Variants in GMFG observed in about 807,000 individuals in gnomAD.
GMFG encodes the protein glia maturation factor gamma.
Under a neutral mutation model 26.1 loss-of-function variants are expected in GMFG, and 21 were observed. The ratio of observed to expected loss-of-function variants is 0.80; its 90% confidence interval spans 0.57 to 1.16. The LOEUF (loss-of-function observed/expected upper bound fraction) is 1.16. Among genes scored for constraint, GMFG ranks in the 50% most tolerant of loss-of-function variants. GMFG has a pLI of 0.00. For synonymous variants in GMFG, 65 were observed against 60.8 expected, an observed-to-expected ratio of 1.07 and a Z score of -0.32; for missense variants, 161 against 178.3, an observed-to-expected ratio of 0.90 and a Z score of 0.55.
chr19:39,334,064 T>C (rs1399410288), intron 3 of GMFG, among the ~76,000 whole-genome samples: 2 of 141,972 alleles, frequency 1.4e-5, no homozygotes, highest in Non-Finnish European at 3.0e-5. Context: ...TCGCCCAGGC[T>C]GGAGTGCAGT....
chr19:39,335,519 C>T lies in GMFG; in HGVS notation c.16G>A (p.Val6Met). 6.2e-7 allele frequency: 1 copy of T among 1,612,988 alleles called. No individual in the cohort carries two copies. The highest frequency in any genetic ancestry group is 8.5e-7 in the Non-Finnish European group (1 of 1,178,936). Residue 6 changes from valine (V) to methionine (M), a missense_variant, in exon 2 of 7, where the codon GTG becomes ATG. Physicochemically the swap from Val to Met is conservative, Grantham distance 21. Coordinates refer to ENST00000597595, the MANE Select transcript of GMFG (RefSeq NM_004877.4). MSDSL[V>M]VCEVDPELTE... The stretch of plus-strand genomic sequence containing the variant: ...AGCTCTGGGTCTACCTCGCACACCA[C>T]CAGGGAGTCAGACTGCCGGAGGGAC...
chr19:39,328,864 C>T (rs541743531), intron 6 of GMFG, 136 bp downstream of exon 6: 13 of 707,316 alleles, frequency 1.8e-5, no homozygotes, highest in South Asian at 9.4e-5. Context: ...GATGACAGAG[C>T]GAGACCCAGT....
At position 39,329,640 on chromosome 19, in the gene GMFG, G is replaced by A. The variant is rs753890668; in HGVS notation, c.201-14C>T. The A allele has an allele frequency of 6.4e-7, 1 of 1,560,958 alleles. No homozygotes were observed. Among genetic ancestry groups the A allele is most frequent in the Non-Finnish European group, 8.8e-7 (1 of 1,131,810 alleles). The stretch of plus-strand genomic sequence containing the variant: ...TAAACCACGAACCTACCGTGAAAGG[G>A]AATTGAAAATCAGGACTCTGGCCTG... On this transcript the variant is annotated splice_polypyrimidine_tract_variant and intron_variant, in intron 4 of 6. Coordinates refer to ENST00000597595, the MANE Select transcript of GMFG (RefSeq NM_004877.4).
intron 3 of GMFG, 109 bp from the exon 4 acceptor site, chr19:39,333,235 G>A (rs2075234557): frequency 1.9e-6 from 1 of 534,352 alleles, no homozygotes; most frequent in Admixed American, 3.1e-5. Context: ...ACAAGGTCAG[G>A]AAATCATTCA....
At chr19:39,332,656 C>CTTTTTT (rs59277772) in intron 4 of GMFG, among the ~76,000 whole-genome samples, 7 of 111,292 alleles carry the variant, frequency 6.3e-5, no homozygotes, top group South Asian at 2.9e-4. Flanking sequence ...CACAGAGATT[C>CTTTTTT]TTTTTTTTTT....
chr19:39,334,523 C>T (rs1205290317), intron 3 of GMFG, among the ~76,000 whole-genome samples: 1 of 152,206 alleles, frequency 6.6e-6, no homozygotes, highest in East Asian at 1.9e-4. Flanking sequence ...CTGCCTCAGC[C>T]TCCCAAAGCG....
At position 39,335,453 on chromosome 19, in the gene GMFG, C is replaced by T. The variant is rs943155501; in HGVS notation, c.82G>A (p.Asp28Asn). ...CACTCACTTATGATGGCTGCATTGT[C>T]TGTCTCTTTTCGGAAGCGGAATTTC... ...LRKFRFRKET[D>N]NAAIIMKVDK... is the part of the protein sequence containing the mutation. The change falls in exon 2 of 7, where the codon GAC becomes AAC. Residue 28 changes from aspartate (D) to asparagine (N), a missense_variant. Transcript: ENST00000597595. 5 of 1,613,220 alleles carry T rather than the reference C, an allele frequency of 3.1e-6. No homozygotes were observed. The African/African-American group carries it at 6.7e-5, about 22-fold the overall frequency.
chr19:39,335,668 G>T (rs1737621634), intron 1 of GMFG, 137 bp from the exon 2 acceptor site: 2 of 703,130 alleles, frequency 2.8e-6, no homozygotes, highest in Non-Finnish European at 2.5e-6. Flanking sequence ...TTGAGAAAAG[G>T]CACCCTTCCC....
chr19:39,329,249 G>T (rs1243558026), intron 5 of GMFG, among the ~76,000 whole-genome samples, 176 bp from the exon 6 acceptor site: 1 of 152,180 alleles, frequency 6.6e-6, no homozygotes, highest in Non-Finnish European at 1.5e-5. Context: ...TATTCTGAGG[G>T]TCTCTGGAGA....
chr19:39,334,259 G>A (rs576306036), intron 3 of GMFG, among the ~76,000 whole-genome samples: 63 of 151,906 alleles, frequency 4.1e-4, no homozygotes, highest in Admixed American at 2.8e-3. Context: ...CTTGTGATCC[G>A]CCCGCCTCAG....
chr19:39,329,101 T>C, intron 5 of GMFG, 28 bp from the exon 6 acceptor site: 1 of 1,525,288 alleles, frequency 6.6e-7, no homozygotes, highest in South Asian at 1.1e-5. Flanking sequence ...GAAAGGCACA[T>C]CAGTGGGGAC....
intron 3 of GMFG, among the ~76,000 whole-genome samples, chr19:39,334,166 G>A (rs1188264203): frequency 3.3e-5 from 5 of 151,656 alleles, no homozygotes; most frequent in South Asian, 4.2e-4. Flanking sequence ...ACAGGCACCC[G>A]CCACCACACC....
intron 3 of GMFG, 93 bp downstream of exon 3, chr19:39,335,168 A>G: frequency 1.0e-6 from 1 of 992,152 alleles, no homozygotes. Flanking sequence ...AGGTCTTTCT[A>G]CCCCCATGCC....
rs1253757888 is a variant in GMFG, at chr19:39,333,066, C to G, written c.200+11G>C. Reference sequence around the variant, plus strand: ...CATGGCCTGATCCAACCCTTTCTTCCCCCAGGATACCTGGGCTGTCTCTCC... The same window carrying G: ...CATGGCCTGATCCAACCCTTTCTTCGCCCAGGATACCTGGGCTGTCTCTCC... On this transcript the variant is annotated intron_variant, in intron 4 of 6. Coordinates refer to ENST00000597595, the MANE Select transcript of GMFG (RefSeq NM_004877.4). 6.3e-7 allele frequency: 1 copy of G among 1,589,274 alleles called. No homozygotes were observed. The highest frequency in any genetic ancestry group is 2.3e-5 in the East Asian group (1 of 44,264).
chr19:39,335,504 C>G lies in GMFG; in HGVS notation c.31G>C (p.Asp11His). MSDSLVVCEV[D>H]PELTEKLRKF... ...CTCAGCTTTTCTGTTAGCTCTGGGTCTACCTCGCACACCACCAGGGAGTCA... is the reference window on the plus strand; with the variant it reads ...CTCAGCTTTTCTGTTAGCTCTGGGTGTACCTCGCACACCACCAGGGAGTCA... Residue 11 changes from aspartate (D) to histidine (H), a missense_variant, in exon 2 of 7, where the codon GAC (aspartate) becomes CAC (histidine). Transcript: ENST00000597595. 7 of 1,613,856 alleles carry G rather than the reference C, an allele frequency of 4.3e-6. No homozygotes were observed. Among genetic ancestry groups the G allele is most frequent in the Non-Finnish European group, 5.9e-6 (7 of 1,179,730 alleles).
chr19:39,329,077 C>T lies in GMFG; in HGVS notation c.284-4G>A, dbSNP rs771944837. 3.7e-6 allele frequency: 6 copies of T among 1,609,852 alleles called. No homozygotes were observed. The highest frequency in any genetic ancestry group is 2.2e-5 in the East Asian group (1 of 44,882). On this transcript the variant is annotated splice_polypyrimidine_tract_variant and splice_region_variant and intron_variant, in intron 5 of 6. Transcript: ENST00000597595. ...ATCTGTTGTTCCGGCTTGCAGCCTG[C>T]GTGGAAAAGAGGAGAAAGGCACATC...
At chr19:39,333,316 T>G (rs1388030952) in intron 3 of GMFG, among the ~76,000 whole-genome samples, 190 bp from the exon 4 acceptor site, 2 of 152,042 alleles carry the variant, frequency 1.3e-5, no homozygotes, top group African/African-American at 4.8e-5. Flanking sequence ...CATGGTGGCA[T>G]GCACCTGTAG....
chr19:39,333,651 A>G (rs1216975314), intron 3 of GMFG, among the ~76,000 whole-genome samples: 2 of 151,934 alleles, frequency 1.3e-5, no homozygotes, highest in East Asian at 3.9e-4. Flanking sequence ...GCATCGTTCT[A>G]TGAAACACAC....
At chr19:39,328,711 T>C (rs2075213683) in intron 6 of GMFG, 163 bp from the exon 7 acceptor site, 1 of 619,646 alleles carries the variant, frequency 1.6e-6, no homozygotes, top group Admixed American at 2.7e-5. Flanking sequence ...AAACCCTGAC[T>C]CTACTAAAAA....
Sources: allele counts gnomAD v4.1 joint callset (sites outside exome capture counted in the v4.1 genomes callset), GRCh38; gene constraint gnomAD v4.1.1; transcripts MANE v1.5; gene names NCBI Gene and HGNC (gene_info 2026-07-23, HGNC 2026-07-21).